Variants in SCHIP1 observed in about 807,000 individuals in gnomAD.
The protein encoded by SCHIP1 is schwannomin interacting protein 1, also known as schwannomin-interacting protein 1.
Under a neutral mutation model 29.7 loss-of-function variants are expected in SCHIP1, and 8 were observed. The ratio of observed to expected loss-of-function variants is 0.27; its 90% CI spans 0.16 to 0.49. SCHIP1 has a LOEUF of 0.49. Ranked by LOEUF, SCHIP1 falls within the 20% of genes least tolerant of loss-of-function variation. The pLI is 0.99. For missense variants in SCHIP1, 193 were observed against 294.6 expected (o/e 0.66, Z 2.52); for synonymous variants, 76 against 94.9 (o/e 0.80, Z 1.16).
the SCHIP1 span, among the ~76,000 whole-genome samples, chr3:159,442,879 T>C: frequency 6.6e-6 from 1 of 152,200 alleles, no homozygotes; most frequent in African/African-American, 2.4e-5. Context: ...TTAGACAGTG[T>C]TACATTCATT....
chr3:159,423,513 C>T, the SCHIP1 span, among the ~76,000 whole-genome samples: 1 of 152,248 alleles, frequency 6.6e-6, no homozygotes, highest in African/African-American at 2.4e-5. Flanking sequence ...GGAGGGGCGC[C>T]TGCCATTGCC....
chr3:159,739,840 C>T, the SCHIP1 span, among the ~76,000 whole-genome samples: 9 of 152,136 alleles, frequency 5.9e-5, no homozygotes, highest in African/African-American at 9.7e-5. Flanking sequence ...TTTACTAAAC[C>T]GGTGCCTAAT....
the SCHIP1 span, among the ~76,000 whole-genome samples, chr3:159,649,218 T>G: frequency 6.6e-5 from 10 of 152,182 alleles, no homozygotes; most frequent in Admixed American, 2.0e-4. Flanking sequence ...GTGCGTTCAC[T>G]CAGCAAAGAT....
At chr3:159,703,626 G>A in the SCHIP1 span, among the ~76,000 whole-genome samples, 2 of 152,202 alleles carry the variant, frequency 1.3e-5, no homozygotes, top group African/African-American at 4.8e-5. Flanking sequence ...AAGCATTTCT[G>A]AGGCACCAGT....
chr3:159,796,584 G>A, the SCHIP1 span, among the ~76,000 whole-genome samples: 1 of 152,124 alleles, frequency 6.6e-6, no homozygotes, highest in Non-Finnish European at 1.5e-5. Context: ...CATCTGCTTA[G>A]CTACAGCCCC....
the SCHIP1 span, among the ~76,000 whole-genome samples, chr3:159,462,711 G>T: frequency 1.3e-5 from 2 of 152,030 alleles, no homozygotes; most frequent in East Asian, 1.9e-4. Context: ...ACTTTTCATT[G>T]TTCCCTCGGG....
the SCHIP1 span, among the ~76,000 whole-genome samples, chr3:159,592,438 C>A: frequency 6.6e-6 from 1 of 152,060 alleles, no homozygotes; most frequent in Non-Finnish European, 1.5e-5. Flanking sequence ...CTTTTCACAG[C>A]TGGATTTTTT....
At chr3:159,597,868 T>A in the SCHIP1 span, among the ~76,000 whole-genome samples, 1 of 152,172 alleles carries the variant, frequency 6.6e-6, no homozygotes, top group Admixed American at 6.5e-5. Context: ...GACTGGGTAA[T>A]TTATAAACAA....
At chr3:159,828,931 T>A in the SCHIP1 span, among the ~76,000 whole-genome samples, 2 of 152,192 alleles carry the variant, frequency 1.3e-5, no homozygotes, top group Non-Finnish European at 2.9e-5. Context: ...AACTTATTTT[T>A]ATTTGGAAAG....
the SCHIP1 span, among the ~76,000 whole-genome samples, chr3:159,443,596 C>A: frequency 2.0e-5 from 3 of 152,088 alleles, no homozygotes; most frequent in Non-Finnish European, 4.4e-5. Flanking sequence ...GCAACCTCTG[C>A]CTCCGGGGTT....
the SCHIP1 span, among the ~76,000 whole-genome samples, chr3:159,754,723 C>A: frequency 6.6e-6 from 1 of 152,162 alleles, no homozygotes; most frequent in Non-Finnish European, 1.5e-5. Context: ...TAAAGCAGGA[C>A]CATCCTGCCC....
At chr3:159,355,762 C>A in the SCHIP1 span, among the ~76,000 whole-genome samples, 1 of 151,600 alleles carries the variant, frequency 6.6e-6, no homozygotes, top group African/African-American at 2.4e-5. Context: ...TTGTTCCTGG[C>A]GAGGCTAAAT....
chr3:159,872,086 C>A (rs1054594327), intron 2 of SCHIP1, among the ~76,000 whole-genome samples: 2 of 152,138 alleles, frequency 1.3e-5, no homozygotes, highest in Non-Finnish European at 2.9e-5. Flanking sequence ...ATATTATCTT[C>A]TAAAATTTCA....
chr3:159,335,847 G>A, the SCHIP1 span, among the ~76,000 whole-genome samples: 2 of 152,226 alleles, frequency 1.3e-5, no homozygotes, highest in Admixed American at 1.3e-4. Flanking sequence ...ATAGTCCTTT[G>A]GATATATACC....
chr3:159,629,850 A>G, the SCHIP1 span, among the ~76,000 whole-genome samples: 1 of 152,244 alleles, frequency 6.6e-6, no homozygotes, highest in Non-Finnish European at 1.5e-5. Context: ...ACAAAGACCA[A>G]TAAGGCATGC....
At chr3:159,484,391 T>C in the SCHIP1 span, among the ~76,000 whole-genome samples, 1 of 152,184 alleles carries the variant, frequency 6.6e-6, no homozygotes, top group African/African-American at 2.4e-5. Context: ...ATCCGTGTAG[T>C]TGGAACTATC....
the SCHIP1 span, among the ~76,000 whole-genome samples, chr3:159,522,680 C>A: frequency 2.0e-5 from 3 of 152,140 alleles, no homozygotes; most frequent in East Asian, 3.9e-4. Flanking sequence ...ACCATCCTGG[C>A]CAACATGGTG....
chr3:159,384,769 T>G, the SCHIP1 span, among the ~76,000 whole-genome samples: 1 of 152,106 alleles, frequency 6.6e-6, no homozygotes, highest in African/African-American at 2.4e-5. Context: ...AGCTATTGAT[T>G]ATTGCCACAA....
At chr3:159,698,204 C>T in the SCHIP1 span, among the ~76,000 whole-genome samples, 1 of 152,172 alleles carries the variant, frequency 6.6e-6, no homozygotes, top group African/African-American at 2.4e-5. Context: ...TTGGAAATAA[C>T]ATTTAAATGT....
Sources: gnomAD v4.1 joint callset for allele counts (sites outside exome capture counted in the v4.1 genomes callset) on GRCh38, gnomAD v4.1.1 for gene constraint, MANE v1.5 for transcripts, NCBI Gene and HGNC (gene_info 2026-07-23, HGNC 2026-07-21) for gene names.